Variants in ATF3 observed in about 807,000 individuals in gnomAD.
ATF3 encodes cyclic AMP-dependent transcription factor ATF-3.
A neutral mutation model predicts 18.4 loss-of-function variants in ATF3; 10 were observed. The ratio of observed to expected loss-of-function variants is 0.54; its 90% CI spans 0.34 to 0.92. ATF3 has a LOEUF of 0.92. Among genes scored for constraint, ATF3 ranks in the 40% least tolerant of loss-of-function variants. The pLI is 0.02. For missense variants in ATF3, 183 were observed against 222.3 expected (o/e 0.82, Z 1.12); for synonymous variants, 78 against 87.9 (o/e 0.89, Z 0.63).
At chr1:212,588,791 A>G (rs967265875) in intron 1 of ATF3, among the ~76,000 whole-genome samples, 1 of 152,080 alleles carries the variant, frequency 6.6e-6, no homozygotes, top group African/African-American at 2.4e-5. Context: ...CCATTTGGAC[A>G]TTATCTATTT....
At chr1:212,585,817 T>C (rs1463977231) in intron 1 of ATF3, among the ~76,000 whole-genome samples, 2 of 152,096 alleles carry the variant, frequency 1.3e-5, no homozygotes, top group African/African-American at 4.8e-5. Context: ...TGTATGCATG[T>C]AATGAGGGTT....
chr1:212,572,341 A>AC (rs968285529), intron 1 of ATF3, among the ~76,000 whole-genome samples: 4 of 151,744 alleles, frequency 2.6e-5, no homozygotes, highest in Non-Finnish European at 4.4e-5. Context: ...AGATGGAGAA[A>AC]CCCCCATCTC....
At chr1:212,610,617 C>T (rs1654855474) in intron 1 of ATF3, among the ~76,000 whole-genome samples, 1 of 152,184 alleles carries the variant, frequency 6.6e-6, no homozygotes, top group African/African-American at 2.4e-5. Flanking sequence ...CCTTCTTTTT[C>T]TCTCTCTCTT....
intron 1 of ATF3, among the ~76,000 whole-genome samples, chr1:212,576,470 T>C (rs190310841): frequency 3.0e-4 from 45 of 151,916 alleles, no homozygotes; most frequent in African/African-American, 1.0e-3. Context: ...AGTTTAGATT[T>C]CTCTATTGTG....
intron 1 of ATF3, among the ~76,000 whole-genome samples, chr1:212,609,716 C>T (rs1327854731): frequency 1.3e-5 from 2 of 152,214 alleles, no homozygotes; most frequent in East Asian, 3.9e-4. Context: ...TCGGCGGGTC[C>T]GCGGGAGACC....
rs745576939 is a variant in ATF3, at chr1:212,618,292, T to C, written c.348+58T>C. The C allele has an allele frequency of 2.0e-5, 31 of 1,540,332 alleles. No individual in the cohort carries two copies. The highest frequency in any genetic ancestry group is 2.8e-5 in the Non-Finnish European group (31 of 1,113,416). ...CTCACGCCTGTCTTCACCAGCTTCA[T>C]GTGGCTATCAGAAGAAGAGTTAGAA... On this transcript the variant is annotated intron_variant, in intron 3 of 3. Coordinates refer to ENST00000341491, the MANE Select transcript of ATF3 (RefSeq NM_001674.4). The surrounding 1 kb of genome is among the most constrained non-coding windows in gnomAD (Gnocchi z 4.4).
At chr1:212,589,699 GA>G (rs1242917945) in intron 1 of ATF3, among the ~76,000 whole-genome samples, 1 of 144,300 alleles carries the variant, frequency 6.9e-6, no homozygotes, top group East Asian at 2.0e-4. Context: ...AAAAAAGAAA[GA>G]AAAAGAAGAA....
intron 1 of ATF3, among the ~76,000 whole-genome samples, chr1:212,601,438 G>A (rs891716884): frequency 6.6e-6 from 1 of 152,198 alleles, no homozygotes; most frequent in Non-Finnish European, 1.5e-5. Flanking sequence ...ACAAGGTAGG[G>A]AAGGCTAAAG....
At chr1:212,594,041 G>T (rs946768332) in intron 1 of ATF3, among the ~76,000 whole-genome samples, 7 of 152,232 alleles carry the variant, frequency 4.6e-5, no homozygotes, top group African/African-American at 1.7e-4. Context: ...CACCTGGAAG[G>T]AATCATCACC....
intron 1 of ATF3, among the ~76,000 whole-genome samples, chr1:212,581,176 C>A (rs1002188135): frequency 1.3e-5 from 2 of 152,220 alleles, no homozygotes; most frequent in Non-Finnish European, 2.9e-5. Flanking sequence ...ACATGCAACA[C>A]GGTTATGTGA....
At chr1:212,599,247 A>T (rs1200181010) in intron 1 of ATF3, among the ~76,000 whole-genome samples, 2 of 152,248 alleles carry the variant, frequency 1.3e-5, no homozygotes, top group African/African-American at 4.8e-5. Flanking sequence ...AATATCTTTT[A>T]AAATAGTGGC....
chr1:212,576,716 C>CTTTTTTTTTTTTTTTTTTTT (rs761124416), intron 1 of ATF3, among the ~76,000 whole-genome samples: 2 of 78,258 alleles, frequency 2.6e-5, no homozygotes, highest in African/African-American at 1.0e-4. Flanking sequence ...CTTTTCTTTT[C>CTTTTTTTTTTTTTTTTTTTT]TTTTCTTTTT....
intron 1 of ATF3, among the ~76,000 whole-genome samples, chr1:212,580,329 T>G (rs917971374): frequency 1.4e-5 from 2 of 146,290 alleles, no homozygotes; most frequent in Admixed American, 6.8e-5. Context: ...AATTTCCACT[T>G]TTTTTTTTTT....
chr1:212,605,261 C>T (rs769766015), upstream of ATF3, among the ~76,000 whole-genome samples: 1 of 152,220 alleles, frequency 6.6e-6, no homozygotes, highest in Non-Finnish European at 1.5e-5. Context: ...ATCCAAGTGC[C>T]TTCCACACTT....
At chr1:212,572,874 T>C (rs912225819) in intron 1 of ATF3, among the ~76,000 whole-genome samples, 1 of 152,264 alleles carries the variant, frequency 6.6e-6, no homozygotes, top group Non-Finnish European at 1.5e-5. Flanking sequence ...ATAATAGTTC[T>C]ATATAGAAAA....
At chr1:212,568,840 G>A (rs577222225) in intron 1 of ATF3, among the ~76,000 whole-genome samples, 15 of 152,050 alleles carry the variant, frequency 9.9e-5, no homozygotes, top group Non-Finnish European at 1.9e-4. Flanking sequence ...CCCCAACTCC[G>A]TCGTTACTGT....
upstream of ATF3, among the ~76,000 whole-genome samples, chr1:212,604,741 C>T (rs1479139378): frequency 6.6e-6 from 1 of 152,164 alleles, no homozygotes; most frequent in East Asian, 1.9e-4. Flanking sequence ...CGTCAGAGCT[C>T]AGCCCAAGGC....
upstream of ATF3, among the ~76,000 whole-genome samples, chr1:212,608,012 C>A (rs1456499589): frequency 2.0e-5 from 3 of 152,198 alleles, no homozygotes; most frequent in African/African-American, 4.8e-5. Flanking sequence ...GGGCTGCGGG[C>A]TCGGGCGCAC....
chr1:212,588,583 A>T (rs1291761517), intron 1 of ATF3, among the ~76,000 whole-genome samples: 1 of 152,102 alleles, frequency 6.6e-6, no homozygotes, highest in Non-Finnish European at 1.5e-5. Flanking sequence ...ATACATGTAC[A>T]GAGTTTAAAA....
Sources: gnomAD v4.1 joint callset for allele counts (sites outside exome capture counted in the v4.1 genomes callset) on GRCh38, gnomAD v4.1.1 for gene constraint, Gnocchi (gnomAD v3.1) non-coding constraint, MANE v1.5 for transcripts, NCBI Gene and HGNC (gene_info 2026-07-23, HGNC 2026-07-21) for gene names.